The following SYT9 variants were observed in gnomAD, a reference collection of about 807,000 sequenced individuals.
SYT9 encodes the protein synaptotagmin 9, also known as synaptotagmin-9.
A neutral mutation model predicts 48.4 loss-of-function variants in SYT9; 22 were observed. That is an observed-to-expected ratio of 0.45 (90% CI 0.32 to 0.65). The LOEUF (loss-of-function observed/expected upper bound fraction) is 0.65. Ranked by LOEUF, SYT9 falls within the 30% of genes least tolerant of loss-of-function variation. The pLI is 0.03. For missense variants in SYT9, 577 were observed against 622.0 expected (o/e 0.93, Z 0.77); for synonymous variants, 265 against 245.0 (o/e 1.08, Z -0.76).
chr11:7,365,395 A>G (rs1297538020), intron 3 of SYT9, among the ~76,000 whole-genome samples: 1 of 152,160 alleles, frequency 6.6e-6, no homozygotes, highest in African/African-American at 2.4e-5. Flanking sequence ...TTCTGTCTTT[A>G]TGAGTCTAAA....
intron 3 of SYT9, among the ~76,000 whole-genome samples, chr11:7,322,563 G>A (rs1037841017): frequency 2.6e-5 from 4 of 152,152 alleles, no homozygotes; most frequent in Non-Finnish European, 4.4e-5. Context: ...TGGCAGCACT[G>A]TAGAACAGCA....
Position 7,313,536 on chromosome 11 carries a change from G to A in SYT9, c.639G>A (p.Gly213=). Residue 213 remains glycine, a synonymous_variant, in exon 3 of 7, where the codon GGG becomes GGA. Coordinates refer to ENST00000318881, the MANE Select transcript of SYT9 (RefSeq NM_175733.4). ...YKQRSLDNDD[G]RRSNSKACGK... Reference sequence around the variant, plus strand: ...AGAGGTCATTGGATAATGATGACGGGAGACGGAGTAACAGCAAGGCTTGTG... The same window carrying A: ...AGAGGTCATTGGATAATGATGACGGAAGACGGAGTAACAGCAAGGCTTGTG... The A allele has an allele frequency of 1.2e-6, 2 of 1,614,148 alleles. No homozygotes were observed. Among genetic ancestry groups the A allele is most frequent in the South Asian group, 1.1e-5 (1 of 91,078 alleles).
intron 1 of SYT9, among the ~76,000 whole-genome samples, chr11:7,299,887 T>G (rs1311943848): frequency 1.3e-5 from 2 of 152,102 alleles, no homozygotes; most frequent in Non-Finnish European, 2.9e-5. Flanking sequence ...GAACTTCAAT[T>G]TACTTAGCAT....
intron 3 of SYT9, among the ~76,000 whole-genome samples, chr11:7,390,204 A>C (rs1850736689): frequency 6.6e-6 from 1 of 152,106 alleles, no homozygotes. Flanking sequence ...CTCATTGTTC[A>C]ACTCCCACTT....
intron 1 of SYT9, among the ~76,000 whole-genome samples, chr11:7,241,240 A>ACG (rs1348518155): frequency 2.1e-5 from 3 of 142,148 alleles, no homozygotes; most frequent in East Asian, 2.0e-4. Flanking sequence ...ACACACACGC[A>ACG]CACACTCACC....
In SYT9 at chr11:7,427,019, C is replaced by G. The variant is rs867880458; in HGVS notation, c.1467+6384C>G. Among the ~76,000 whole-genome samples, 13 of 152,200 alleles carry G rather than the reference C, an allele frequency of 8.5e-5. 1 individual carries two copies. The Middle Eastern group carries it at 0.014, about 159-fold the overall frequency. On this transcript the variant is annotated intron_variant, in intron 6 of 6. Coordinates refer to ENST00000318881, the MANE Select transcript of SYT9 (RefSeq NM_175733.4). ...AAGAATATATGGCGTTTATTCAATG[C>G]ATGCATTTTCTGATTTACAGACAAT...
chr11:7,460,223 C>CT (rs1459328553), intron 6 of SYT9, among the ~76,000 whole-genome samples: 1 of 152,084 alleles, frequency 6.6e-6, no homozygotes, highest in African/African-American at 2.4e-5. Context: ...AATAAAAACA[C>CT]TTTTTTCACT....
At chr11:7,298,852 G>A (rs191013336) in intron 1 of SYT9, among the ~76,000 whole-genome samples, 1 of 152,252 alleles carries the variant, frequency 6.6e-6, no homozygotes, top group East Asian at 1.9e-4. Flanking sequence ...GGGCATCTAT[G>A]CCACATCTTC....
At chr11:7,278,320 C>T (rs1848435339) in intron 1 of SYT9, among the ~76,000 whole-genome samples, 1 of 152,172 alleles carries the variant, frequency 6.6e-6, no homozygotes, top group Admixed American at 6.5e-5. Context: ...ATCCAATCAC[C>T]TCTTTTAAAG....
At chr11:7,323,817 T>C (rs1849379899) in intron 3 of SYT9, among the ~76,000 whole-genome samples, 1 of 152,072 alleles carries the variant, frequency 6.6e-6, no homozygotes, top group Admixed American at 6.6e-5. Context: ...TGCGTGTGTG[T>C]GTTCAGCTAT....
rs1214061970 is a variant in SYT9 at position 7,387,428 on chromosome 11, AATC to A, written c.1045-28606_1045-28604del. ...TTCCTGAGCTTGTATCCACTCTATT[AATC>A]ATCATCAGTAAACATGCTTATAAAT... On this transcript the variant is annotated intron_variant, in intron 3 of 6. Coordinates refer to ENST00000318881, the MANE Select transcript of SYT9 (RefSeq NM_175733.4). Among the ~76,000 whole-genome samples the A allele has an allele frequency of 8.5e-5, 13 of 152,306 alleles. No individual in the cohort carries two copies. The East Asian group carries it at 2.1e-3, about 25-fold the overall frequency.
chr11:7,337,101 G>A (rs1377185368), intron 3 of SYT9, among the ~76,000 whole-genome samples: 1 of 151,978 alleles, frequency 6.6e-6, no homozygotes, highest in African/African-American at 2.4e-5. Flanking sequence ...TATTCTTTTT[G>A]TGACAATTGT....
intron 3 of SYT9, among the ~76,000 whole-genome samples, chr11:7,335,372 C>T (rs1365875185): frequency 6.6e-6 from 1 of 152,048 alleles, no homozygotes. Flanking sequence ...TATAGGTAAA[C>T]ACATGTCATA....
At chr11:7,319,011 G>A (rs1849290055) in intron 3 of SYT9, among the ~76,000 whole-genome samples, 1 of 152,064 alleles carries the variant, frequency 6.6e-6, no homozygotes, top group African/African-American at 2.4e-5. Flanking sequence ...TTGGATGCCT[G>A]CTATTTGTTC....
intron 3 of SYT9, among the ~76,000 whole-genome samples, chr11:7,332,546 A>G (rs1849557952): frequency 6.6e-6 from 1 of 152,166 alleles, no homozygotes. Flanking sequence ...CCTCTGAGAT[A>G]TAGGAAAAGG....
chr11:7,274,774 G>C (rs987468275), intron 1 of SYT9, among the ~76,000 whole-genome samples: 2 of 152,158 alleles, frequency 1.3e-5, no homozygotes, highest in Non-Finnish European at 2.9e-5. Context: ...AACTGATGCT[G>C]TATAGTATAG....
chr11:7,403,581 AC>A lies in SYT9; in HGVS notation c.1045-12460del, dbSNP rs1564891381. Among the ~76,000 whole-genome samples, 439 of 150,870 alleles carry A rather than the reference AC, an allele frequency of 2.9e-3. 3 individuals are homozygous for A. The highest frequency in any genetic ancestry group is 0.011 in the African/African-American group (426 of 40,396). ...TAAATAAACAGAGAGAGAGAGAGAG[AC>A]ACACACATGTATTAGTTTCCAAATA... is the stretch of plus-strand genomic sequence containing the variant. On this transcript the variant is annotated intron_variant, in intron 3 of 6. Coordinates refer to ENST00000318881, the MANE Select transcript of SYT9 (RefSeq NM_175733.4).
At position 7,313,755 on chromosome 11, in the gene SYT9, T is replaced by A. The variant is rs1226182506; in HGVS notation, c.858T>A (p.Asp286Glu). 1 of 1,614,208 alleles carries A rather than the reference T, an allele frequency of 6.2e-7. No individual in the cohort carries two copies. Reference protein sequence around the residue: ...VHRKTLNPVFDEVFLFPVPYN... With the variant: ...VHRKTLNPVFEEVFLFPVPYN... ...GAAAGACCCTGAACCCTGTGTTTGA[T>A]GAAGTGTTTTTATTTCCGGTTCCCT... The change falls in exon 3 of 7, where the codon GAT becomes GAA. Residue 286 changes from aspartate (D) to glutamate (E), a missense_variant. Asp to Glu is a conservative substitution (Grantham distance 45, BLOSUM62 2). Transcript: ENST00000318881.
chr11:7,278,738 CAAGG>C (rs77218747), intron 1 of SYT9, among the ~76,000 whole-genome samples: 3 of 152,040 alleles, frequency 2.0e-5, no homozygotes, highest in Non-Finnish European at 2.9e-5. Flanking sequence ...GATTAAAAAA[CAAGG>C]AAGATATTTT....
Sources: allele counts gnomAD v4.1 joint callset (sites outside exome capture counted in the v4.1 genomes callset), GRCh38; gene constraint gnomAD v4.1.1; transcripts MANE v1.5; gene names NCBI Gene and HGNC (gene_info 2026-07-23, HGNC 2026-07-21).